The following PDE6D variants were observed in gnomAD, a reference collection of about 807,000 sequenced individuals.
PDE6D encodes phosphodiesterase 6D.
A neutral mutation model predicts 21.9 loss-of-function variants in PDE6D; 10 were observed. The observed-to-expected ratio is 0.46, with a 90% CI of 0.28 to 0.78. The LOEUF is 0.78. Among genes scored for constraint, PDE6D ranks in the 30% least tolerant of loss-of-function variants. The probability of loss-of-function intolerance (pLI) is 0.12; values close to 1 mark genes in which losing one functional copy is unlikely to be tolerated. For missense variants in PDE6D, 139 were observed against 184.8 expected (o/e 0.75, Z 1.44); for synonymous variants, 59 against 63.5 (o/e 0.93, Z 0.34).
chr2:231,756,353 C>T (rs915629797), intron 1 of PDE6D, among the ~76,000 whole-genome samples: 11 of 152,174 alleles, frequency 7.2e-5, no homozygotes, highest in African/African-American at 2.4e-4. Flanking sequence ...CAGCTTTCCA[C>T]ATCATAATGT....
intron 1 of PDE6D, among the ~76,000 whole-genome samples, chr2:231,776,141 C>T (rs902469700): frequency 4.0e-5 from 6 of 151,586 alleles, no homozygotes; most frequent in South Asian, 2.1e-4. Flanking sequence ...GCCAACATGG[C>T]GAAACCCCCT....
At chr2:231,750,687 T>TA (rs1491109200) in intron 1 of PDE6D, among the ~76,000 whole-genome samples, 1 of 130,370 alleles carries the variant, frequency 7.7e-6, no homozygotes, top group Non-Finnish European at 1.6e-5. Flanking sequence ...TTTTTTTTTT[T>TA]AGTATAGACT....
intron 1 of PDE6D, among the ~76,000 whole-genome samples, chr2:231,750,175 T>C (rs1274471106): frequency 3.3e-5 from 5 of 152,190 alleles, no homozygotes; most frequent in South Asian, 2.1e-4. Flanking sequence ...GCTGCTGTCA[T>C]GTAAGAGCCT....
At chr2:231,766,709 C>T (rs981653887) in intron 1 of PDE6D, among the ~76,000 whole-genome samples, 2 of 152,064 alleles carry the variant, frequency 1.3e-5, no homozygotes, top group African/African-American at 4.8e-5. Flanking sequence ...AAAATGAAAG[C>T]TGGCGGGGCA....
intron 1 of PDE6D, among the ~76,000 whole-genome samples, chr2:231,766,993 CAAAAAAAAA>C (rs3038045): frequency 5.5e-5 from 2 of 36,670 alleles, no homozygotes; most frequent in African/African-American, 2.2e-4. Context: ...GACTCCGTCT[CAAAAAAAAA>C]AAAAAAAAAA....
At chr2:231,749,033 C>CA (rs2048816747) in intron 1 of PDE6D, among the ~76,000 whole-genome samples, 1 of 152,200 alleles carries the variant, frequency 6.6e-6, no homozygotes, top group African/African-American at 2.4e-5. Flanking sequence ...AGCCCCCACA[C>CA]AGAGTCCCTA....
intron 1 of PDE6D, among the ~76,000 whole-genome samples, chr2:231,761,129 G>A (rs746772366): frequency 2.0e-5 from 3 of 152,060 alleles, no homozygotes; most frequent in Non-Finnish European, 2.9e-5. Context: ...AAGGCTAAAC[G>A]GAAATCCCAT....
intron 4 of PDE6D, among the ~76,000 whole-genome samples, chr2:231,735,038 C>G (rs1238757657): frequency 6.7e-6 from 1 of 150,018 alleles, no homozygotes; most frequent in Non-Finnish European, 1.5e-5. Flanking sequence ...GTCAGGAGAT[C>G]GAGACCATCC....
intron 1 of PDE6D, among the ~76,000 whole-genome samples, chr2:231,771,420 G>A (rs369926059): frequency 6.6e-6 from 1 of 152,220 alleles, no homozygotes; most frequent in African/African-American, 2.4e-5. Flanking sequence ...CTAAGTGACT[G>A]CCTCGTCGAT....
intron 1 of PDE6D, among the ~76,000 whole-genome samples, chr2:231,755,255 G>T (rs1216397318): frequency 7.3e-6 from 1 of 137,898 alleles, no homozygotes; most frequent in East Asian, 1.9e-4. Context: ...AGCCCGAAAT[G>T]ACAGATATCT....
intron 1 of PDE6D, among the ~76,000 whole-genome samples, chr2:231,778,129 G>T (rs2049071600): frequency 6.6e-6 from 1 of 152,162 alleles, no homozygotes; most frequent in Non-Finnish European, 1.5e-5. Flanking sequence ...AGCTGGGCAT[G>T]GTGGCATGCA....
chr2:231,756,600 GCT>G (rs1491247397), intron 1 of PDE6D, among the ~76,000 whole-genome samples: 5 of 137,290 alleles, frequency 3.6e-5, no homozygotes, highest in African/African-American at 1.4e-4. Context: ...ACTAAACCTG[GCT>G]TTTTTTTTTT....
chr2:231,771,815 C>A (rs2049017846), intron 1 of PDE6D, among the ~76,000 whole-genome samples: 1 of 151,992 alleles, frequency 6.6e-6, no homozygotes, highest in Admixed American at 6.6e-5. Context: ...TAAACATTTG[C>A]CAAAAAAAGT....
chr2:231,750,730 A>G (rs1252353095), intron 1 of PDE6D, among the ~76,000 whole-genome samples: 1 of 141,646 alleles, frequency 7.1e-6, no homozygotes, highest in Non-Finnish European at 1.5e-5. Flanking sequence ...CTGGTCTCGA[A>G]CTCCTGAGCT....
At chr2:231,733,950 T>C (rs565123581) in intron 4 of PDE6D, among the ~76,000 whole-genome samples, 33 of 152,192 alleles carry the variant, frequency 2.2e-4, no homozygotes, top group Admixed American at 5.9e-4. Context: ...CGGTGGCTCA[T>C]GCCTGTAATC....
At chr2:231,737,447 G>A in intron 3 of PDE6D, 155 bp from the exon 4 acceptor site, 2 of 563,430 alleles carry the variant, frequency 3.5e-6, no homozygotes, top group Non-Finnish European at 6.3e-6. Flanking sequence ...AAAAAGACAG[G>A]GAAGCCTGCT....
intron 1 of PDE6D, among the ~76,000 whole-genome samples, chr2:231,766,993 C>CAAAAAAAAAAA (rs3038045): frequency 1.1e-4 from 4 of 36,678 alleles, no homozygotes; most frequent in Non-Finnish European, 2.0e-4. Context: ...GACTCCGTCT[C>CAAAAAAAAAAA]AAAAAAAAAA....
chr2:231,764,213 G>A (rs1326215902), intron 1 of PDE6D, among the ~76,000 whole-genome samples: 2 of 151,994 alleles, frequency 1.3e-5, no homozygotes, highest in Non-Finnish European at 2.9e-5. Flanking sequence ...GAACCCAGGA[G>A]TTTGATACCA....
chr2:231,741,450 T>C (rs116992263), intron 1 of PDE6D, among the ~76,000 whole-genome samples: 6 of 152,192 alleles, frequency 3.9e-5, no homozygotes, highest in East Asian at 1.9e-4. Context: ...ACATGGGATA[T>C]AGCAAGCAAG....
Sources: allele counts gnomAD v4.1 joint callset (sites outside exome capture counted in the v4.1 genomes callset), GRCh38; gene constraint gnomAD v4.1.1; transcripts MANE v1.5; gene names NCBI Gene and HGNC (gene_info 2026-07-23, HGNC 2026-07-21).